The following TRPM1 variants were observed in gnomAD, a reference collection of about 807,000 sequenced individuals.
TRPM1 encodes the protein TRPM1-203 APA Isoform, Intron 10.
Under a neutral mutation model 149.4 loss-of-function variants are expected in TRPM1, and 113 were observed. The observed-to-expected ratio is 0.76, with a 90% CI of 0.65 to 0.88. The LOEUF is 0.88. Ranked by LOEUF, TRPM1 falls within the 40% of genes least tolerant of loss-of-function variation. The pLI, the probability that TRPM1 is intolerant of heterozygous loss-of-function variation, is 0.00. For missense variants in TRPM1, 1,976 were observed against 2,038.7 expected, an observed-to-expected ratio of 0.97 and a Z score of 0.59; for synonymous variants, 741 against 759.5, an observed-to-expected ratio of 0.98 and a Z score of 0.40.
chr15:31,041,994 C>G lies in TRPM1; in HGVS notation c.2044G>C (p.Asp682His), dbSNP rs527419835. The G allele has an allele frequency of 6.2e-7, 1 of 1,614,196 alleles. No homozygotes were observed. Among genetic ancestry groups the G allele is most frequent in the East Asian group, 2.2e-5 (1 of 44,886 alleles). ...KAMAHESSES[D>H]LVDDISQDLD... ...TCCTGGGAGATGTCATCCACCAGAT[C>G]ACTCTCGGAGGACTCGTGGGCCATG... is the stretch of plus-strand genomic sequence containing the variant. Residue 682 changes from aspartate to histidine, a missense_variant, in exon 17 of 28, where the codon GAT becomes CAT. Physicochemically the swap from Asp to His is moderately conservative, Grantham distance 81. Coordinates refer to ENST00000256552, the MANE Select transcript of TRPM1 (RefSeq NM_001252024.2).
At chr15:31,064,971 CCTT>C (rs2034328632) in intron 7 of TRPM1, 1 of 487,878 alleles carries the variant, frequency 2.0e-6, no homozygotes, top group African/African-American at 2.0e-5. Flanking sequence ...GGCCAAATCA[CCTT>C]CTTTTCGAGC....
At chr15:31,079,465 C>T (rs890742196) in intron 2 of TRPM1, among the ~76,000 whole-genome samples, 2 of 152,192 alleles carry the variant, frequency 1.3e-5, no homozygotes, top group African/African-American at 4.8e-5. Context: ...CCAGGGAAAC[C>T]GCTCTCCAGG....
rs77126732 is a variant in TRPM1, at chr15:31,060,525, C to T, written c.1263+19G>A. 3.7e-4 allele frequency: 584 copies of T among 1,599,988 alleles called. 1 individual carries two copies. The African/African-American group carries it at 6.1e-3, about 17-fold the overall frequency. On this transcript the variant is annotated intron_variant, in intron 11 of 27. Transcript: ENST00000256552. ...CAAAGTCAAGATCAATGATATGAAT[C>T]GAAAAAAAACAGTTTCACCGGCCAG...
Position 31,041,946 on chromosome 15 carries a change from C to T in TRPM1, c.2087+5G>A. ...CTGGCCTTTAAATCCCCGCTAGACA[C>T]TAACTTGGAATTGTTATCCAAGTCC... On this transcript the variant is annotated splice_donor_5th_base_variant and intron_variant, in intron 17 of 27. Coordinates refer to ENST00000256552, the MANE Select transcript of TRPM1 (RefSeq NM_001252024.2). 2 of 1,614,160 alleles carry T rather than the reference C, an allele frequency of 1.2e-6. No homozygotes were observed. Among genetic ancestry groups the T allele is most frequent in the East Asian group, 2.2e-5 (1 of 44,890 alleles).
chr15:31,062,632 G>C lies in TRPM1; in HGVS notation c.1036C>G (p.Gln346Glu). 1 of 1,614,068 alleles carries C rather than the reference G, an allele frequency of 6.2e-7. No homozygotes were observed. Among genetic ancestry groups the C allele is most frequent in the South Asian group, 1.1e-5 (1 of 91,080 alleles). The change falls in exon 9 of 28, where the codon CAA becomes GAA. Residue 346 changes from glutamine (Q) to glutamate (E), a missense_variant. Gln to Glu is a conservative substitution (Grantham distance 29). Transcript: ENST00000256552. The stretch of plus-strand genomic sequence containing the variant: ...ATAATTGCAAACAGCTGATGTGATT[G>C]TGCCTTATTATAATTAAATGTTTTC... Reference protein sequence around the residue: ...IQKTFNYNKAQSHQLFAIIME... With the variant: ...IQKTFNYNKAESHQLFAIIME...
chr15:31,044,780 CAAA>C (rs58619377), intron 16 of TRPM1, among the ~76,000 whole-genome samples: 33 of 69,512 alleles, frequency 4.7e-4, no homozygotes, highest in African/African-American at 8.7e-4. Context: ...GACTCCTACT[CAAA>C]AAAAAAAAAA....
intron 3 of TRPM1, among the ~76,000 whole-genome samples, chr15:31,072,022 G>T (rs201415644): frequency 3.2e-3 from 151 of 47,120 alleles, no homozygotes; most frequent in Non-Finnish European, 4.8e-3. Flanking sequence ...TATATATAGA[G>T]AGAGAGAGAG....
chr15:31,067,277 T>C, intron 5 of TRPM1, 90 bp from the exon 6 acceptor site: 1 of 1,569,226 alleles, frequency 6.4e-7, no homozygotes, highest in Non-Finnish European at 8.8e-7. Flanking sequence ...CCTGAGTCCC[T>C]ACATTCCCTA....
intron 18 of TRPM1, among the ~76,000 whole-genome samples, chr15:31,038,993 T>C (rs948733022): frequency 1.4e-3 from 202 of 143,996 alleles, no homozygotes; most frequent in African/African-American, 4.9e-3. Context: ...TGCTTCCCCT[T>C]TTTTTTTTTT....
chr15:31,015,038 G>T (rs1182511687), intron 27 of TRPM1, among the ~76,000 whole-genome samples: 4 of 152,154 alleles, frequency 2.6e-5, no homozygotes, highest in African/African-American at 9.7e-5. Context: ...AGGGAAAAAG[G>T]TACTCTTGGA....
chr15:31,095,658 C>T (rs2035359516), intron 1 of TRPM1, among the ~76,000 whole-genome samples: 1 of 152,018 alleles, frequency 6.6e-6, no homozygotes, highest in Non-Finnish European at 1.5e-5. Context: ...GCACTCCAGC[C>T]TGGGCGACAG....
intron 16 of TRPM1, among the ~76,000 whole-genome samples, chr15:31,044,881 A>G (rs536650905): frequency 6.6e-6 from 1 of 152,218 alleles, no homozygotes; most frequent in Admixed American, 6.5e-5. Context: ...AGTTTATTCC[A>G]GGGAACTTGA....
rs995319782 is a variant in TRPM1 at position 31,081,909 on chromosome 15, T to C, written c.-83-471A>G. On this transcript the variant is annotated intron_variant, in intron 1 of 27. Coordinates refer to ENST00000256552, the MANE Select transcript of TRPM1 (RefSeq NM_001252024.2). ...TCACCTGGGGAGGAGCTTGGTCTCC[T>C]GAATCTGCTCAGAGGCAGTGTGCAG... 5.9e-5 allele frequency among the ~76,000 whole-genome samples: 9 copies of C among 152,190 alleles called. 2 individuals carry two copies. Among genetic ancestry groups the C allele is most frequent in the Admixed American group, 5.9e-4 (9 of 15,274 alleles).
At chr15:31,014,894 A>T (rs2032302239) in intron 27 of TRPM1, among the ~76,000 whole-genome samples, 1 of 152,090 alleles carries the variant, frequency 6.6e-6, no homozygotes, top group Non-Finnish European at 1.5e-5. Flanking sequence ...CTGGGGCTCA[A>T]ATCAAAGCAA....
intron 27 of TRPM1, among the ~76,000 whole-genome samples, chr15:31,008,984 C>T (rs185773327): frequency 1.4e-3 from 210 of 152,252 alleles, no homozygotes; most frequent in African/African-American, 4.8e-3. Flanking sequence ...TGTTTATCAA[C>T]ATATTTATTA....
intron 3 of TRPM1, among the ~76,000 whole-genome samples, chr15:31,073,968 T>TTGTTTCTAC (rs2034625252): frequency 6.6e-6 from 1 of 152,128 alleles, no homozygotes; most frequent in Non-Finnish European, 1.5e-5. Context: ...CATGTGATTT[T>TTGTTTCTAC]TGTTTCTACT....
intron 3 of TRPM1, among the ~76,000 whole-genome samples, chr15:31,076,189 G>A (rs1290147635): frequency 1.3e-5 from 2 of 152,136 alleles, no homozygotes; most frequent in Non-Finnish European, 2.9e-5. Context: ...GGGGCAAGGG[G>A]CAGCTTGGGG....
At chr15:31,077,736 G>C (rs774446178) in intron 2 of TRPM1, among the ~76,000 whole-genome samples, 1 of 152,122 alleles carries the variant, frequency 6.6e-6, no homozygotes, top group Non-Finnish European at 1.5e-5. Context: ...TGTATGATGT[G>C]TGTGTGTGTG....
chr15:31,087,518 T>C (rs1326767438), intron 1 of TRPM1, among the ~76,000 whole-genome samples: 1 of 151,996 alleles, frequency 6.6e-6, no homozygotes, highest in Non-Finnish European at 1.5e-5. Flanking sequence ...CCTCCCAAAG[T>C]GCTGGGATTG....
Sources: allele counts gnomAD v4.1 joint callset (sites outside exome capture counted in the v4.1 genomes callset), GRCh38; gene constraint gnomAD v4.1.1; transcripts MANE v1.5; gene names NCBI Gene and HGNC (gene_info 2026-07-23, HGNC 2026-07-21).